The following LRTM1 variants were observed in gnomAD, a reference collection of about 807,000 sequenced individuals.
The protein encoded by LRTM1 is leucine rich repeat transmembrane protein 1.
LRTM1 carries 38 observed loss-of-function variants against 32.4 expected under a neutral mutation model. The observed-to-expected ratio is 1.17, with a 90% CI of 0.91 to 1.54. The LOEUF (loss-of-function observed/expected upper bound fraction) is 1.54, where lower values mean the gene tolerates loss of function less well. Among genes scored for constraint, LRTM1 ranks in the 40% most tolerant of loss-of-function variants. LRTM1 has a pLI of 0.00. For missense variants in LRTM1, 466 were observed against 415.4 expected, an observed-to-expected ratio of 1.12 and a Z score of -1.06; for synonymous variants, 186 against 169.9, an observed-to-expected ratio of 1.09 and a Z score of -0.74.
Position 54,918,647 on chromosome 3 carries a change from G to A in LRTM1, c.850C>T (p.His284Tyr). 1 of 1,614,164 alleles carries A rather than the reference G, an allele frequency of 6.2e-7. No homozygotes were observed. The highest frequency in any genetic ancestry group is 8.5e-7 in the Non-Finnish European group (1 of 1,180,040). Residue 284 changes from histidine to tyrosine, a missense_variant, in exon 3 of 3, where the codon CAT becomes TAT. Transcript: ENST00000273286. ...KPKPRPANLR[H>Y]AIATVIITGV... is the part of the protein sequence containing the mutation. ...GTGATGATGACAGTGGCAATGGCAT[G>A]ACGCAGGTTGGCCGGCCTTGGCTTG...
At chr3:54,941,247 T>A (rs1015779932) in intron 1 of LRTM1, among the ~76,000 whole-genome samples, 1 of 152,204 alleles carries the variant, frequency 6.6e-6, no homozygotes, top group Non-Finnish European at 1.5e-5. Flanking sequence ...AACAGGGGCA[T>A]ATAGTGTTTC....
chr3:54,949,620 A>C (rs1701704889), intron 1 of LRTM1, among the ~76,000 whole-genome samples: 1 of 152,190 alleles, frequency 6.6e-6, no homozygotes, highest in Admixed American at 6.5e-5. Flanking sequence ...CAACATTCTC[A>C]AGCGCATTGG....
chr3:54,945,934 G>A (rs547918707), intron 1 of LRTM1, among the ~76,000 whole-genome samples: 1 of 152,318 alleles, frequency 6.6e-6, no homozygotes, highest in East Asian at 1.9e-4. Flanking sequence ...AAAGGAGGAG[G>A]CCTGACCTCT....
chr3:54,963,469 C>G (rs540739393), intron 1 of LRTM1, among the ~76,000 whole-genome samples: 2 of 152,172 alleles, frequency 1.3e-5, no homozygotes, highest in East Asian at 3.8e-4. Flanking sequence ...GAGCACTTGA[C>G]ATCTAACTAG....
intron 2 of LRTM1, among the ~76,000 whole-genome samples, chr3:54,923,131 A>G (rs1700901350): frequency 6.6e-6 from 1 of 152,192 alleles, no homozygotes; most frequent in South Asian, 2.1e-4. Flanking sequence ...GACCTTTTAC[A>G]TTGTAATCAG....
At chr3:54,920,446 A>G (rs908696138) in intron 2 of LRTM1, among the ~76,000 whole-genome samples, 15 of 152,172 alleles carry the variant, frequency 9.9e-5, no homozygotes, top group African/African-American at 3.6e-4. Context: ...TGGCTTCTCT[A>G]GCAATCCTTT....
chr3:54,949,612 A>G (rs981778203), intron 1 of LRTM1, among the ~76,000 whole-genome samples: 1 of 152,198 alleles, frequency 6.6e-6, no homozygotes, highest in Non-Finnish European at 1.5e-5. Flanking sequence ...CACATTATCA[A>G]CATTCTCAAG....
At chr3:54,927,074 T>C (rs1194846631) in intron 1 of LRTM1, among the ~76,000 whole-genome samples, 3 of 152,200 alleles carry the variant, frequency 2.0e-5, no homozygotes, top group Non-Finnish European at 4.4e-5. Flanking sequence ...AAACTCAAAA[T>C]AGTTATCTAC....
chr3:54,949,803 T>G (rs1701710932), intron 1 of LRTM1, among the ~76,000 whole-genome samples: 1 of 152,068 alleles, frequency 6.6e-6, no homozygotes, highest in East Asian at 1.9e-4. Flanking sequence ...ATGGAAGACT[T>G]TTTTTGCCTG....
chr3:54,920,004 C>T (rs571682660), intron 2 of LRTM1, among the ~76,000 whole-genome samples: 9 of 152,314 alleles, frequency 5.9e-5, no homozygotes, highest in Admixed American at 5.9e-4. Flanking sequence ...TTTGATTGGA[C>T]AGAACTGCCC....
chr3:54,920,583 A>ATTAAGG (rs1485272682), intron 2 of LRTM1, among the ~76,000 whole-genome samples: 3 of 152,156 alleles, frequency 2.0e-5, no homozygotes, highest in Admixed American at 2.0e-4. Flanking sequence ...TGCCATTGAG[A>ATTAAGG]TTAAGGATTC....
At chr3:54,929,824 AATAC>A (rs367939561), upstream of LRTM1, among the ~76,000 whole-genome samples, 5 of 152,312 alleles carry the variant, frequency 3.3e-5, no homozygotes, top group African/African-American at 9.6e-5. Flanking sequence ...TATTAATGGA[AATAC>A]ATACATAACC....
chr3:54,946,435 A>G (rs1470834104), intron 1 of LRTM1, among the ~76,000 whole-genome samples: 4 of 152,194 alleles, frequency 2.6e-5, no homozygotes, highest in African/African-American at 9.7e-5. Flanking sequence ...AGAGATCCTC[A>G]GTCAGTATTT....
chr3:54,934,230 C>T (rs1342531003), intron 1 of LRTM1, among the ~76,000 whole-genome samples: 1 of 152,082 alleles, frequency 6.6e-6, no homozygotes, highest in African/African-American at 2.4e-5. Context: ...CATTTTATGC[C>T]CTAAGGTCAT....
intron 1 of LRTM1, among the ~76,000 whole-genome samples, chr3:54,938,770 AGTT>A (rs1280766165): frequency 6.6e-6 from 1 of 152,122 alleles, no homozygotes; most frequent in Admixed American, 6.5e-5. Flanking sequence ...ATGTTGAAAA[AGTT>A]GTTGTGGTCT....
At position 54,924,952 on chromosome 3, in the gene LRTM1, G is replaced by C; in HGVS notation, c.271C>G (p.Pro91Ala). The C allele has an allele frequency of 6.2e-7, 1 of 1,611,322 alleles. No homozygotes were observed. The highest frequency in any genetic ancestry group is 8.5e-7 in the Non-Finnish European group (1 of 1,177,584). ...TGCTGAAGCCCATGGAAAGCTCCAG[G>C]GGCCAGATTTGAAAGGGAATTGTTG... ...LSNNSLSNLA[P>A]GAFHGLQHLQ... Residue 91 changes from proline to alanine, a missense_variant, in exon 2 of 3, where the codon CCT becomes GCT. By Grantham distance (27) the Pro-to-Ala change is conservative. Transcript: ENST00000273286.
Position 54,927,929 on chromosome 3 carries a change from C to T in LRTM1, c.-18G>A, listed in dbSNP as rs374645077. 1.5e-5 allele frequency: 24 copies of T among 1,613,314 alleles called. No homozygotes were observed. The African/African-American group carries it at 1.7e-4, about 12-fold the overall frequency. On this transcript the variant is annotated 5_prime_UTR_variant, in exon 1 of 3. Transcript: ENST00000273286. Reference sequence around the variant, plus strand: ...CCTTTCATGACTGAGTCTCCTTGGGCGTCCTTGCTGACCTCGTAGACCCTT... The same window carrying T: ...CCTTTCATGACTGAGTCTCCTTGGGTGTCCTTGCTGACCTCGTAGACCCTT...
At chr3:54,958,932 T>C (rs1575407535) in intron 1 of LRTM1, among the ~76,000 whole-genome samples, 1 of 152,060 alleles carries the variant, frequency 6.6e-6, no homozygotes, top group East Asian at 1.9e-4. Context: ...GGCAAAACCC[T>C]GTCTCTACAA....
intron 1 of LRTM1, among the ~76,000 whole-genome samples, chr3:54,953,384 G>C (rs9839256): frequency 0.41 from 61,651 of 151,956 alleles, 14,055 homozygotes; most frequent in East Asian, 0.75. Flanking sequence ...GGTGGGGCCC[G>C]GTAACACTAC....
Sources: allele counts gnomAD v4.1 joint callset (sites outside exome capture counted in the v4.1 genomes callset), GRCh38; gene constraint gnomAD v4.1.1; transcripts MANE v1.5; gene names NCBI Gene and HGNC (gene_info 2026-07-23, HGNC 2026-07-21).